DPP6: variants seen among roughly 807,000 people sequenced by gnomAD.
DPP6 encodes dipeptidyl peptidase like 6.
In DPP6, 69 loss-of-function variants were observed where a neutral mutation model predicts 122.6. The observed-to-expected ratio is 0.56, with a 90% CI of 0.46 to 0.69. DPP6 has a LOEUF of 0.69. Ranked by LOEUF, DPP6 falls within the 30% of genes least tolerant of loss-of-function variation. The pLI is 0.00. For missense variants in DPP6, 928 were observed against 1,116.9 expected (o/e 0.83, Z 2.41); for synonymous variants, 418 against 433.1 (o/e 0.97, Z 0.43).
At position 154,879,463 on chromosome 7, in the gene DPP6, A is replaced by G. The variant is rs1295216328; in HGVS notation, c.2079-1425A>G. Among the ~76,000 whole-genome samples, 16 of 134,216 alleles carry G rather than the reference A, an allele frequency of 1.2e-4. 1 individual carries two copies. Among genetic ancestry groups the G allele is most frequent in the Non-Finnish European group, 2.0e-4 (13 of 65,482 alleles). 88.1% of individuals were successfully genotyped at this position (134,216 alleles called of 152,430 possible). On this transcript the variant is annotated intron_variant, in intron 20 of 25. Transcript: ENST00000377770. ...AAATTAGCCGGGCGAGGTGGCGGGC[A>G]CCTGTAGTCCCAGCTACTCGGGAGG...
chr7:154,205,386 C>T (rs1416301906), intron 1 of DPP6, among the ~76,000 whole-genome samples: 1 of 152,332 alleles, frequency 6.6e-6, no homozygotes, highest in East Asian at 1.9e-4. Flanking sequence ...GATCCATTCT[C>T]ATTTCTATAA....
At chr7:154,372,465 C>T (rs765710966) in intron 1 of DPP6, among the ~76,000 whole-genome samples, 1 of 152,170 alleles carries the variant, frequency 6.6e-6, no homozygotes, top group Non-Finnish European at 1.5e-5. Context: ...CCTGGCCGTG[C>T]GTGGGCAGTC....
intron 7 of DPP6, among the ~76,000 whole-genome samples, chr7:154,720,982 A>C (rs1167236410): frequency 6.6e-6 from 1 of 152,206 alleles, no homozygotes; most frequent in Non-Finnish European, 1.5e-5. Context: ...TCTGCTGGAG[A>C]CATGCTGTGA....
intron 1 of DPP6, among the ~76,000 whole-genome samples, chr7:154,423,190 T>A (rs1817624047): frequency 6.6e-6 from 1 of 152,192 alleles, no homozygotes; most frequent in Non-Finnish European, 1.5e-5. Flanking sequence ...TGAACTAAAT[T>A]CAACTTCCAT....
chr7:154,079,317 C>T (rs200115730), intron 1 of DPP6, among the ~76,000 whole-genome samples: 2,045 of 151,092 alleles, frequency 0.014, 41 homozygotes, highest in East Asian at 0.046. Context: ...TATTGGGCAC[C>T]TGTTACCTGT....
intron 1 of DPP6, among the ~76,000 whole-genome samples, chr7:154,294,613 G>A (rs1227319758): frequency 2.6e-5 from 4 of 152,154 alleles, no homozygotes; most frequent in South Asian, 4.1e-4. Flanking sequence ...CTCCTATGTA[G>A]GCATGAAAAT....
chr7:153,946,505 G>C (rs964753810), intron 1 of DPP6, among the ~76,000 whole-genome samples: 1 of 152,074 alleles, frequency 6.6e-6, no homozygotes, highest in Non-Finnish European at 1.5e-5. Context: ...TCTTGGTTTC[G>C]ATGGGTTTTA....
At chr7:154,438,818 A>G (rs973278187) in intron 1 of DPP6, among the ~76,000 whole-genome samples, 1 of 152,134 alleles carries the variant, frequency 6.6e-6, no homozygotes, top group African/African-American at 2.4e-5. Context: ...GCCAAGAACG[A>G]CTTGGAATAT....
At chr7:154,510,382 T>A (rs1181264077) in intron 3 of DPP6, among the ~76,000 whole-genome samples, 1 of 152,100 alleles carries the variant, frequency 6.6e-6, no homozygotes, top group African/African-American at 2.4e-5. Context: ...ATGACCAAGA[T>A]CCAAGATGAT....
intron 1 of DPP6, among the ~76,000 whole-genome samples, chr7:154,215,166 G>A (rs773886186): frequency 8.3e-4 from 127 of 152,292 alleles, no homozygotes; most frequent in Middle Eastern, 3.4e-3. Flanking sequence ...CAGTGATGGC[G>A]GAAGGTGGAA....
chr7:154,427,833 T>C (rs1294526380), intron 1 of DPP6, among the ~76,000 whole-genome samples: 1 of 152,216 alleles, frequency 6.6e-6, no homozygotes, highest in Non-Finnish European at 1.5e-5. Context: ...ATAAATAGGA[T>C]AGCCAAGGGT....
intron 8 of DPP6, among the ~76,000 whole-genome samples, chr7:154,751,839 T>TG (rs1447384579): frequency 4.0e-5 from 6 of 151,296 alleles, no homozygotes; most frequent in Admixed American, 3.3e-4. Context: ...GCATGGCCGG[T>TG]GGGGGGTCCC....
At chr7:154,465,152 A>T (rs1249513875) in intron 2 of DPP6, among the ~76,000 whole-genome samples, 1 of 152,220 alleles carries the variant, frequency 6.6e-6, no homozygotes, top group Non-Finnish European at 1.5e-5. Flanking sequence ...ACCATGGGTA[A>T]GGAGGGGCCT....
At chr7:154,390,243 A>C (rs1814499630) in intron 1 of DPP6, among the ~76,000 whole-genome samples, 1 of 152,326 alleles carries the variant, frequency 6.6e-6, no homozygotes, top group Admixed American at 6.5e-5. Flanking sequence ...GGGTTAAAGT[A>C]AGACAGGTTC....
intron 18 of DPP6, among the ~76,000 whole-genome samples, chr7:154,869,466 C>T (rs901652266): frequency 2.0e-5 from 3 of 152,260 alleles, no homozygotes; most frequent in African/African-American, 7.2e-5. Flanking sequence ...GCTCACGGAA[C>T]GTGGGACTTG....
intron 6 of DPP6, among the ~76,000 whole-genome samples, chr7:154,656,431 A>T (rs1272912270): frequency 1.3e-5 from 2 of 151,186 alleles, no homozygotes; most frequent in East Asian, 3.9e-4. Flanking sequence ...GAGAAGGGGC[A>T]GTCCTGAACA....
intron 6 of DPP6, among the ~76,000 whole-genome samples, chr7:154,667,134 T>C (rs191830587): frequency 2.5e-4 from 38 of 152,342 alleles, no homozygotes; most frequent in Non-Finnish European, 4.6e-4. Flanking sequence ...TATGTCTTTT[T>C]GTGAATTGTC....
intron 3 of DPP6, among the ~76,000 whole-genome samples, chr7:154,480,084 C>A (rs1039619331): frequency 6.6e-6 from 1 of 150,978 alleles, no homozygotes; most frequent in African/African-American, 2.4e-5. Flanking sequence ...ACCACAGATG[C>A]ACTCGCTTCA....
the DPP6 span, among the ~76,000 whole-genome samples, chr7:153,836,871 C>T: frequency 3.3e-5 from 5 of 152,240 alleles, no homozygotes; most frequent in African/African-American, 1.2e-4. Context: ...GTTAAAATTA[C>T]TCCCCAGGTT....
Sources: allele counts gnomAD v4.1 joint callset (sites outside exome capture counted in the v4.1 genomes callset), GRCh38; gene constraint gnomAD v4.1.1; transcripts MANE v1.5; gene names NCBI Gene and HGNC (gene_info 2026-07-23, HGNC 2026-07-21).